Variants in PIP5K1B observed in about 807,000 individuals in gnomAD.
The protein encoded by PIP5K1B is phosphatidylinositol 4-phosphate 5-kinase type-1 beta.
A neutral mutation model predicts 67.0 loss-of-function variants in PIP5K1B; 42 were observed. That is an observed-to-expected ratio of 0.63 (90% CI 0.49 to 0.81). PIP5K1B has a LOEUF of 0.81. Ranked by LOEUF, PIP5K1B falls within the 30% of genes least tolerant of loss-of-function variation. The pLI is 0.00. For synonymous variants in PIP5K1B, 214 were observed against 231.4 expected, an observed-to-expected ratio of 0.92 and a Z score of 0.68; for missense variants, 459 against 646.3, an observed-to-expected ratio of 0.71 and a Z score of 3.14.
rs528770663 is a variant in PIP5K1B, at chr9:68,817,481, G to T, written c.-85-980G>T. Among the ~76,000 whole-genome samples, 3 of 152,312 alleles carry T rather than the reference G, an allele frequency of 2.0e-5. No individual in the cohort carries two copies. In the East Asian group the frequency reaches 5.8e-4, roughly 29 times the overall value. ...AGGTAGCCAAATTTGGAAACAGTCT[G>T]CATGTTCATCCACAGAAGAGTGATT... On this transcript the variant is annotated intron_variant, in intron 2 of 15. Transcript: ENST00000265382.
chr9:68,923,895 T>A (rs1171786895), intron 12 of PIP5K1B, among the ~76,000 whole-genome samples: 2 of 152,104 alleles, frequency 1.3e-5, no homozygotes, highest in Non-Finnish European at 1.5e-5. Context: ...CTGATCACAA[T>A]GGAATGAATC....
At chr9:68,793,585 C>T (rs973434539) in intron 2 of PIP5K1B, among the ~76,000 whole-genome samples, 6 of 151,858 alleles carry the variant, frequency 4.0e-5, no homozygotes, top group East Asian at 1.9e-4. Context: ...GCCTAAACAA[C>T]GGGAAGGATT....
intron 14 of PIP5K1B, among the ~76,000 whole-genome samples, chr9:68,941,799 A>G (rs988822403): frequency 2.0e-5 from 3 of 152,212 alleles, no homozygotes; most frequent in Admixed American, 6.5e-5. Context: ...ATGGATATCC[A>G]TAGAGTCTAG....
intron 6 of PIP5K1B, 105 bp downstream of exon 6, chr9:68,876,899 TGGGGCG>T: frequency 4.4e-6 from 3 of 676,230 alleles, no homozygotes; most frequent in Non-Finnish European, 7.9e-6. Context: ...TATAAAGCTC[TGGGGCG>T]TAGTAAAAGT....
At chr9:68,739,402 G>C (rs557562019) in intron 1 of PIP5K1B, among the ~76,000 whole-genome samples, 2 of 152,268 alleles carry the variant, frequency 1.3e-5, no homozygotes, top group African/African-American at 2.4e-5. Context: ...GGAGATCTTT[G>C]ACTGAGGGAT....
chr9:68,862,607 C>T (rs1040754665), intron 4 of PIP5K1B, among the ~76,000 whole-genome samples: 21 of 152,000 alleles, frequency 1.4e-4, no homozygotes, highest in Non-Finnish European at 1.5e-4. Flanking sequence ...GCCTGGCCAA[C>T]ATGGCGAAAT....
intron 15 of PIP5K1B, among the ~76,000 whole-genome samples, chr9:69,001,185 G>C (rs11144719): frequency 6.6e-6 from 1 of 151,686 alleles, no homozygotes. Flanking sequence ...AGGATTACAG[G>C]TGTGAGCCAC....
intron 6 of PIP5K1B, among the ~76,000 whole-genome samples, chr9:68,880,590 C>CAT (rs1824146385): frequency 4.7e-5 from 2 of 42,204 alleles, no homozygotes; most frequent in East Asian, 4.1e-4. Flanking sequence ...CACACACACG[C>CAT]ATACACACAC....
At chr9:68,938,432 T>G (rs1171948391) in intron 13 of PIP5K1B, among the ~76,000 whole-genome samples, 1 of 152,224 alleles carries the variant, frequency 6.6e-6, no homozygotes, top group Admixed American at 6.5e-5. Context: ...CCTGCCATTT[T>G]TTTTTTCCAT....
intron 4 of PIP5K1B, among the ~76,000 whole-genome samples, chr9:68,827,541 G>A (rs956413721): frequency 1.3e-4 from 20 of 152,218 alleles, no homozygotes; most frequent in African/African-American, 4.3e-4. Context: ...TAACATTGTT[G>A]TAGGGGCTAG....
At chr9:68,867,810 C>T (rs1823435399) in intron 5 of PIP5K1B, among the ~76,000 whole-genome samples, 1 of 152,136 alleles carries the variant, frequency 6.6e-6, no homozygotes, top group African/African-American at 2.4e-5. Flanking sequence ...TGTAAGCATC[C>T]AAAACATTCT....
chr9:68,780,352 C>A (rs1417786750), intron 2 of PIP5K1B: 1 of 1,611,860 alleles, frequency 6.2e-7, no homozygotes. Context: ...CGGAACAGCA[C>A]AACGTTCCCG....
chr9:68,992,000 T>G (rs1359686506), intron 15 of PIP5K1B, among the ~76,000 whole-genome samples: 3 of 152,120 alleles, frequency 2.0e-5, no homozygotes, highest in South Asian at 2.1e-4. Context: ...AGTTTTGCTC[T>G]TGTTGCCCAG....
chr9:68,837,345 C>T (rs1346300228), intron 4 of PIP5K1B, among the ~76,000 whole-genome samples: 4 of 152,158 alleles, frequency 2.6e-5, no homozygotes, highest in Admixed American at 6.5e-5. Context: ...CCTGTTTTTC[C>T]GAGTCCTCAA....
intron 3 of PIP5K1B, chr9:68,822,405 C>T (rs574657200): frequency 1.1e-4 from 53 of 466,578 alleles, no homozygotes; most frequent in East Asian, 6.4e-4. Flanking sequence ...AAATATATTA[C>T]GAAAATGTTT....
At chr9:68,874,300 T>A (rs560039431) in intron 5 of PIP5K1B, among the ~76,000 whole-genome samples, 16 of 152,340 alleles carry the variant, frequency 1.1e-4, no homozygotes, top group Non-Finnish European at 1.6e-4. Context: ...TTTCATGGAA[T>A]GATTTAGTGG....
chr9:68,995,879 A>G (rs1409972589), intron 15 of PIP5K1B, among the ~76,000 whole-genome samples: 1 of 151,990 alleles, frequency 6.6e-6, no homozygotes, highest in East Asian at 1.9e-4. Context: ...TTGCCTTTGC[A>G]TTGTCTCTTT....
intron 2 of PIP5K1B, among the ~76,000 whole-genome samples, chr9:68,745,085 C>G (rs1829221677): frequency 6.6e-6 from 1 of 152,212 alleles, no homozygotes; most frequent in African/African-American, 2.4e-5. Context: ...AGCATCCAGC[C>G]AGCTCTCCAG....
At chr9:68,752,166 T>C (rs1050150113) in intron 2 of PIP5K1B, among the ~76,000 whole-genome samples, 2 of 152,202 alleles carry the variant, frequency 1.3e-5, no homozygotes, top group African/African-American at 4.8e-5. Context: ...GCCAAAGCTG[T>C]ATCCCCACAG....
Sources: gnomAD v4.1 joint callset for allele counts (sites outside exome capture counted in the v4.1 genomes callset) on GRCh38, gnomAD v4.1.1 for gene constraint, MANE v1.5 for transcripts, NCBI Gene and HGNC (gene_info 2026-07-23, HGNC 2026-07-21) for gene names.